Variants in ZNF521 observed in about 807,000 individuals in gnomAD.
ZNF521 encodes LYST-interacting protein 3.
A neutral mutation model predicts 105.5 loss-of-function variants in ZNF521; 14 were observed. The observed-to-expected ratio is 0.13, with a 90% CI of 0.09 to 0.21. The LOEUF (loss-of-function observed/expected upper bound fraction) is 0.21. Ranked by LOEUF, ZNF521 falls within the 10% of genes least tolerant of loss-of-function variation. The pLI, the probability that ZNF521 is intolerant of heterozygous loss-of-function variation, is 1.00. For synonymous variants in ZNF521, 635 were observed against 606.0 expected, an observed-to-expected ratio of 1.05 and a Z score of -0.70; for missense variants, 1,233 against 1,629.7, an observed-to-expected ratio of 0.76 and a Z score of 4.19.
chr18:25,216,209 C>T (rs4800626), intron 4 of ZNF521, among the ~76,000 whole-genome samples: 75,884 of 151,782 alleles, frequency 0.5, 19,569 homozygotes, highest in African/African-American at 0.65. Flanking sequence ...CTTGAGTAGG[C>T]TCTGAATTGT....
chr18:25,234,298 C>T (rs1017680810), intron 3 of ZNF521, among the ~76,000 whole-genome samples: 1 of 152,150 alleles, frequency 6.6e-6, no homozygotes, highest in Non-Finnish European at 1.5e-5. Flanking sequence ...TAATGACAGA[C>T]GTCACCAGAG....
At chr18:25,294,318 T>A (rs1303208655) in intron 3 of ZNF521, among the ~76,000 whole-genome samples, 1 of 152,206 alleles carries the variant, frequency 6.6e-6, no homozygotes, top group African/African-American at 2.4e-5. Flanking sequence ...TTCAAGAGAC[T>A]GCATCAATCA....
chr18:25,175,946 T>C (rs1358555939), intron 5 of ZNF521, among the ~76,000 whole-genome samples: 1 of 152,242 alleles, frequency 6.6e-6, no homozygotes, highest in Non-Finnish European at 1.5e-5. Context: ...TACACATTTA[T>C]GATACCATTC....
chr18:25,335,859 C>T (rs568128079), intron 2 of ZNF521, among the ~76,000 whole-genome samples: 47 of 152,236 alleles, frequency 3.1e-4, no homozygotes, highest in Non-Finnish European at 1.3e-4. Flanking sequence ...CCAGCGAGCG[C>T]GGACAGAGGC....
chr18:25,204,632 A>G (rs1408106829), intron 4 of ZNF521, among the ~76,000 whole-genome samples: 4 of 152,198 alleles, frequency 2.6e-5, no homozygotes, highest in African/African-American at 9.6e-5. Context: ...TCTCCTAACA[A>G]ATTTTCTTCA....
chr18:25,086,756 GAGTA>G (rs902386285), intron 7 of ZNF521, among the ~76,000 whole-genome samples: 14 of 152,166 alleles, frequency 9.2e-5, no homozygotes, highest in African/African-American at 3.4e-4. Context: ...TTGGATTACA[GAGTA>G]AGTCTCTGTT....
chr18:25,225,919 G>C lies in ZNF521; in HGVS notation c.1999C>G (p.Pro667Ala). 6.2e-7 allele frequency: 1 copy of C among 1,614,150 alleles called. No homozygotes were observed. The highest frequency in any genetic ancestry group is 1.1e-5 in the South Asian group (1 of 91,086). The change falls in exon 4 of 8, where the codon CCT (proline) becomes GCT (alanine). Residue 667 changes from proline to alanine, a missense_variant. This residue lies in a region of ZNF521 where 614 missense variants were observed against 751.5 expected (regional missense o/e 0.82). Transcript: ENST00000361524. This position sits in a 1 kb window ranked among gnomAD's most constrained non-coding sequence, Gnocchi z 5.6. ...TTGGGGAATTCCTTGTTGCACTGAGGACAGGTCAATTTTGGAAGCACAGTG... is the reference window on the plus strand; with the variant it reads ...TTGGGGAATTCCTTGTTGCACTGAGCACAGGTCAATTTTGGAAGCACAGTG... ...LDTVLPKLTCPQCNKEFPNQE... is the reference protein window; with the variant it reads ...LDTVLPKLTCAQCNKEFPNQE...
chr18:25,342,452 C>T (rs112223963), intron 2 of ZNF521, among the ~76,000 whole-genome samples: 3 of 149,388 alleles, frequency 2.0e-5, no homozygotes, highest in Non-Finnish European at 1.5e-5. Flanking sequence ...GACAGAGTCT[C>T]GCTCTGTCGC....
At chr18:25,334,893 C>T (rs1913784432) in intron 2 of ZNF521, among the ~76,000 whole-genome samples, 1 of 152,146 alleles carries the variant, frequency 6.6e-6, no homozygotes, top group African/African-American at 2.4e-5. Flanking sequence ...CCATTAAGCA[C>T]CTTATGTTTG....
Position 25,155,577 on chromosome 18 carries a change from TTTTGAG to T in ZNF521, c.3658+39577_3658+39582del, listed in dbSNP as rs199648926. Among the ~76,000 whole-genome samples the T allele has an allele frequency of 7.8e-3, 1,184 of 152,268 alleles. 14 individuals are homozygous for T. The highest frequency in any genetic ancestry group is 0.021 in the African/African-American group (889 of 41,562). On this transcript the variant is annotated intron_variant, in intron 5 of 7. Transcript: ENST00000361524. ...GTCTTACATTTAGGTCTTTTATCCATTTTGAGTTTATTTTTGTGTACAGTGTAAGAT... is the reference window on the plus strand; with the variant it reads ...GTCTTACATTTAGGTCTTTTATCCATTTTATTTTTGTGTACAGTGTAAGAT...
chr18:25,158,964 AAAAAG>A (rs762729266), intron 5 of ZNF521, among the ~76,000 whole-genome samples: 2 of 152,138 alleles, frequency 1.3e-5, no homozygotes, highest in African/African-American at 4.8e-5. Context: ...TTAAAAAAAA[AAAAAG>A]AAAGGTAAAA....
rs186138725 is a variant in ZNF521, at chr18:25,155,594, T to A, written c.3658+39566A>T. 1.2e-4 allele frequency among the ~76,000 whole-genome samples: 18 copies of A among 152,290 alleles called. 1 individual carries two copies. The highest frequency in any genetic ancestry group is 3.4e-3 in the Middle Eastern group (1 of 294). ...TTTATCCATTTTGAGTTTATTTTTG[T>A]GTACAGTGTAAGATAAGGGCCCAAT... On this transcript the variant is annotated intron_variant, in intron 5 of 7. Transcript: ENST00000361524.
At chr18:25,351,484 T>A (rs1484772456) in intron 1 of ZNF521, 5 of 139,136 alleles carry the variant, frequency 3.6e-5, no homozygotes, top group Admixed American at 3.0e-4. Context: ...AAAAAACAAA[T>A]AACACTGATT....
intron 7 of ZNF521, among the ~76,000 whole-genome samples, chr18:25,087,297 A>C (rs2033644943): frequency 1.3e-5 from 2 of 152,186 alleles, no homozygotes; most frequent in East Asian, 3.9e-4. Flanking sequence ...CTGAAAATAC[A>C]TCATCATAAA....
At chr18:25,316,449 G>T in intron 3 of ZNF521, among the ~76,000 whole-genome samples, 1 of 131,920 alleles carries the variant, frequency 7.6e-6, no homozygotes, top group East Asian at 2.7e-4. Context: ...GGTGGGGGGT[G>T]GGGAAGCAGC....
intron 3 of ZNF521, among the ~76,000 whole-genome samples, chr18:25,311,383 TAA>T (rs34665703): frequency 8.7e-5 from 12 of 137,526 alleles, no homozygotes; most frequent in Admixed American, 1.4e-4. Flanking sequence ...AGCAAAAATG[TAA>T]AAAAAAAAAA....
intron 5 of ZNF521, among the ~76,000 whole-genome samples, chr18:25,142,973 C>T (rs2034877580): frequency 6.6e-6 from 1 of 152,096 alleles, no homozygotes; most frequent in Non-Finnish European, 1.5e-5. Context: ...TGACTATAAA[C>T]AAAATCACAC....
chr18:25,107,932 G>C (rs1396840667), intron 5 of ZNF521, among the ~76,000 whole-genome samples: 1 of 152,208 alleles, frequency 6.6e-6, no homozygotes, highest in African/African-American at 2.4e-5. Context: ...ATCCGCAAGG[G>C]TGAAAGCAAA....
At chr18:25,281,091 G>C (rs1006545924) in intron 3 of ZNF521, among the ~76,000 whole-genome samples, 1 of 152,156 alleles carries the variant, frequency 6.6e-6, no homozygotes, top group Non-Finnish European at 1.5e-5. Flanking sequence ...GGACTTAGGG[G>C]TGAAGAGTCC....
Sources: allele counts gnomAD v4.1 joint callset (sites outside exome capture counted in the v4.1 genomes callset), GRCh38; gene constraint gnomAD v4.1.1; regional missense constraint gnomAD v4.1.1; non-coding constraint Gnocchi (gnomAD v3.1); transcripts MANE v1.5; gene names NCBI Gene and HGNC (gene_info 2026-07-23, HGNC 2026-07-21).